Variants in BIN3 observed in about 807,000 individuals in gnomAD.
The protein encoded by BIN3 is bridging integrator 3.
Under a neutral mutation model 38.2 loss-of-function variants are expected in BIN3, and 41 were observed. The ratio of observed to expected loss-of-function variants is 1.07; its 90% CI spans 0.84 to 1.39. The LOEUF is 1.39. Ranked by LOEUF, BIN3 falls within the 40% of genes most tolerant of loss-of-function variation. BIN3 has a pLI of 0.00. For synonymous variants in BIN3, 145 were observed against 122.6 expected (o/e 1.18, Z -1.21); for missense variants, 361 against 324.3 (o/e 1.11, Z -0.87).
chr8:22,667,908 C>A (rs535294017), intron 1 of BIN3, among the ~76,000 whole-genome samples: 1 of 152,158 alleles, frequency 6.6e-6, no homozygotes, highest in Non-Finnish European at 1.5e-5. Flanking sequence ...CACTGATGGC[C>A]AAAATTAAGC....
chr8:22,666,816 G>A (rs1410729513), intron 1 of BIN3, among the ~76,000 whole-genome samples: 1 of 152,222 alleles, frequency 6.6e-6, no homozygotes, highest in Non-Finnish European at 1.5e-5. Context: ...GCTTGGCACA[G>A]CCCATGTACT....
chr8:22,658,303 A>T (rs1803124711), intron 1 of BIN3, among the ~76,000 whole-genome samples: 2 of 152,196 alleles, frequency 1.3e-5, no homozygotes, highest in Admixed American at 6.5e-5. Context: ...ACGGAGGGCA[A>T]AGGGGGGAAA....
At position 22,637,121 on chromosome 8, in the gene BIN3, T is replaced by C. The variant is rs115180546; in HGVS notation, c.58-159A>G. Among the ~76,000 whole-genome samples, 969 of 152,270 alleles carry C rather than the reference T, an allele frequency of 6.4e-3. 15 individuals are homozygous for C. Among genetic ancestry groups the C allele is most frequent in the African/African-American group, 0.022 (933 of 41,558 alleles). On this transcript the variant is annotated intron_variant, in intron 2 of 8. Coordinates refer to ENST00000276416, the MANE Select transcript of BIN3 (RefSeq NM_018688.6). ...GACAGATCGCTCCTGACACGGTATT[T>C]CTGAGATCCCAAGTTAATTAAGTGT... is the stretch of plus-strand genomic sequence containing the variant.
At chr8:22,647,589 A>C (rs1802751857) in intron 1 of BIN3, among the ~76,000 whole-genome samples, 1 of 152,206 alleles carries the variant, frequency 6.6e-6, no homozygotes, top group South Asian at 2.1e-4. Flanking sequence ...CAGAATTCCA[A>C]GGGGCTCATT....
chr8:22,630,433 C>G lies in BIN3; in HGVS notation c.297+9G>C. 1 of 1,613,842 alleles carries G rather than the reference C, an allele frequency of 6.2e-7. No individual in the cohort carries two copies. The highest frequency in any genetic ancestry group is 8.5e-7 in the Non-Finnish European group (1 of 1,179,770). On this transcript the variant is annotated intron_variant, in intron 5 of 8. Coordinates refer to ENST00000276416, the MANE Select transcript of BIN3 (RefSeq NM_018688.6). ...CATGCTTGCCCACCCCACACCAAGA[C>G]CTAGTCACCTTTTCCTGATTGAAGG...
intron 4 of BIN3, among the ~76,000 whole-genome samples, 185 bp downstream of exon 4, chr8:22,636,340 G>A (rs1802363960): frequency 6.6e-6 from 1 of 152,252 alleles, no homozygotes. Context: ...GAGTGGGGCA[G>A]TGCGAGCTCT....
At position 22,623,040 on chromosome 8, in the gene BIN3, G is replaced by A. The variant is rs184155886; in HGVS notation, c.615+875C>T. On this transcript the variant is annotated intron_variant, in intron 8 of 8. Coordinates refer to ENST00000276416, the MANE Select transcript of BIN3 (RefSeq NM_018688.6). ...CTGCGACTACGGGCCTGCAGGAAAT[G>A]GCCACTGGAGGGCGCCAGACGCCCA... 1.7e-3 allele frequency among the ~76,000 whole-genome samples: 261 copies of A among 152,310 alleles called. 1 individual carries two copies. The highest frequency in any genetic ancestry group is 5.5e-3 in the African/African-American group (229 of 41,568).
intron 1 of BIN3, among the ~76,000 whole-genome samples, chr8:22,663,836 G>A (rs1049085583): frequency 1.3e-5 from 2 of 152,124 alleles, no homozygotes; most frequent in South Asian, 2.1e-4. Flanking sequence ...GAAACAGCAC[G>A]TATTTGCTAA....
chr8:22,652,072 T>C (rs190308211), intron 1 of BIN3, among the ~76,000 whole-genome samples: 27 of 152,140 alleles, frequency 1.8e-4, no homozygotes, highest in Admixed American at 4.6e-4. Flanking sequence ...TAAAATGGTA[T>C]CTTATTTTTA....
chr8:22,644,401 T>C (rs2117557298), intron 2 of BIN3, among the ~76,000 whole-genome samples: 1 of 152,348 alleles, frequency 6.6e-6, no homozygotes, highest in East Asian at 1.9e-4. Flanking sequence ...GGCAGTGTCT[T>C]TGGTGGGGGC....
intron 1 of BIN3, among the ~76,000 whole-genome samples, chr8:22,661,019 G>T (rs927653573): frequency 6.6e-6 from 1 of 152,102 alleles, no homozygotes; most frequent in Non-Finnish European, 1.5e-5. Flanking sequence ...TGAGTGCTGG[G>T]ACTACAGGCT....
intron 2 of BIN3, among the ~76,000 whole-genome samples, chr8:22,639,641 G>A (rs570583633): frequency 1.3e-5 from 2 of 152,212 alleles, no homozygotes; most frequent in East Asian, 3.9e-4. Context: ...CTGGCCCATG[G>A]CAGTCCTCAC....
intron 1 of BIN3, among the ~76,000 whole-genome samples, chr8:22,659,248 T>C (rs1803154863): frequency 6.6e-6 from 1 of 152,216 alleles, no homozygotes; most frequent in Non-Finnish European, 1.5e-5. Flanking sequence ...AAATCAGTCC[T>C]TTCCAGTGCC....
At chr8:22,644,323 CAGGCCG>C (rs1200984495) in intron 2 of BIN3, among the ~76,000 whole-genome samples, 1 of 152,246 alleles carries the variant, frequency 6.6e-6, no homozygotes, top group Non-Finnish European at 1.5e-5. Context: ...TTGACACAAA[CAGGCCG>C]AGGCCACTGG....
chr8:22,621,992 G>A (rs1267066874), intron 8 of BIN3, among the ~76,000 whole-genome samples: 1 of 152,238 alleles, frequency 6.6e-6, no homozygotes, highest in Non-Finnish European at 1.5e-5. Flanking sequence ...TAGAGGCACA[G>A]GCAAGAAAGG....
Position 22,624,055 on chromosome 8 carries a change from G to A in BIN3, c.481-6C>T, listed in dbSNP as rs746578709. 3 of 1,445,358 alleles carry A rather than the reference G, an allele frequency of 2.1e-6. No individual in the cohort carries two copies. The highest frequency in any genetic ancestry group is 3.4e-5 in the East Asian group (1 of 29,320). The allele number at this position is 1,445,358 out of a possible 1,614,324, so 89.5% of individuals were successfully genotyped here. A position where few individuals can be genotyped will look rare whatever the true frequency, so the allele number is the denominator to read the frequency against. ...GGCCGCAGCTCCTCTCGTGCCTAGG[G>A]AACAAGACCTGGGTGTCAAAACTCT... is the stretch of plus-strand genomic sequence containing the variant. On this transcript the variant is annotated splice_polypyrimidine_tract_variant and splice_region_variant and intron_variant, in intron 7 of 8. Transcript: ENST00000276416.
At chr8:22,630,416 C>T (rs772539761) in intron 5 of BIN3, 26 bp downstream of exon 5, 4 of 1,612,436 alleles carry the variant, frequency 2.5e-6, no homozygotes, top group African/African-American at 1.3e-5. Context: ...GTCATGCTTG[C>T]CCACCCCACA....
Position 22,623,950 on chromosome 8 carries a change from A to G in BIN3, c.580T>C (p.Phe194Leu). 6.2e-7 allele frequency: 1 copy of G among 1,612,010 alleles called. No individual in the cohort carries two copies. ...PRFYGSRLDYFQPSFESLIRA... is the reference protein window; with the variant it reads ...PRFYGSRLDYLQPSFESLIRA... ...ATGAGGGACTCAAAGCTGGGCTGGA[A>G]GTAGTCGAGGCGGCTGCCGTAGAAG... Residue 194 changes from phenylalanine (F) to leucine (L), a missense_variant, in exon 8 of 9, where the codon TTC becomes CTC. Phe to Leu is a conservative substitution (Grantham distance 22). Transcript: ENST00000276416.
chr8:22,658,073 C>T (rs1485321891), intron 1 of BIN3, among the ~76,000 whole-genome samples: 1 of 152,250 alleles, frequency 6.6e-6, no homozygotes. Flanking sequence ...CCCAGAGCGT[C>T]TCTGAGTTCT....
Sources: allele counts gnomAD v4.1 joint callset (sites outside exome capture counted in the v4.1 genomes callset), GRCh38; gene constraint gnomAD v4.1.1; transcripts MANE v1.5; gene names NCBI Gene and HGNC (gene_info 2026-07-23, HGNC 2026-07-21).